The following STARD13 variants were observed in gnomAD, a reference collection of about 807,000 sequenced individuals.
The protein encoded by STARD13 is stAR-related lipid transfer protein 13.
A neutral mutation model predicts 106.4 loss-of-function variants in STARD13; 62 were observed. The ratio of observed to expected loss-of-function variants is 0.58; its 90% CI spans 0.48 to 0.72. STARD13 has a LOEUF of 0.72. STARD13 is among the 30% of genes least tolerant of loss of function. The pLI, the probability that STARD13 is intolerant of heterozygous loss-of-function variation, is 0.00. For synonymous variants in STARD13, 565 were observed against 553.0 expected, an observed-to-expected ratio of 1.02 and a Z score of -0.31; for missense variants, 1,387 against 1,424.0, an observed-to-expected ratio of 0.97 and a Z score of 0.42.
At chr13:33,423,681 C>T in the STARD13 span, among the ~76,000 whole-genome samples, 1 of 152,188 alleles carries the variant, frequency 6.6e-6, no homozygotes, top group Non-Finnish European at 1.5e-5. Context: ...ATAGCAAAGA[C>T]TTGGAACCAA....
At chr13:33,280,867 A>C (rs1891740760) in intron 1 of STARD13, 1 of 152,228 alleles carries the variant, frequency 6.6e-6, no homozygotes, top group African/African-American at 2.4e-5. Context: ...GAAGGGAAAA[A>C]GGTCTAGAGA....
chr13:33,124,879 G>T (rs1876923381), intron 7 of STARD13, among the ~76,000 whole-genome samples: 1 of 152,082 alleles, frequency 6.6e-6, no homozygotes, highest in Admixed American at 6.6e-5. Context: ...AGCTATTAAG[G>T]CCATTTCTCA....
the STARD13 span, among the ~76,000 whole-genome samples, chr13:33,544,377 T>A: frequency 9.8e-5 from 15 of 152,372 alleles, no homozygotes; most frequent in Admixed American, 9.1e-4. Flanking sequence ...AAATTCTGAC[T>A]GTGCCACTGC....
intron 1 of STARD13, among the ~76,000 whole-genome samples, chr13:33,270,638 T>C (rs1334449189): frequency 6.6e-6 from 1 of 152,160 alleles, no homozygotes; most frequent in Non-Finnish European, 1.5e-5. Flanking sequence ...AACCCAGGCC[T>C]CCCGTACCCA....
At chr13:33,493,481 G>A in the STARD13 span, among the ~76,000 whole-genome samples, 1 of 152,088 alleles carries the variant, frequency 6.6e-6, no homozygotes, top group Admixed American at 6.5e-5. Flanking sequence ...GTCAATCATA[G>A]CAAATGCAGA....
the STARD13 span, among the ~76,000 whole-genome samples, chr13:33,464,403 TATTTG>T: frequency 2.4e-3 from 371 of 152,286 alleles, 3 homozygotes; most frequent in East Asian, 0.01. Context: ...TCCAAAACCT[TATTTG>T]ATAAGAGATG....
At chr13:33,612,723 C>T in the STARD13 span, among the ~76,000 whole-genome samples, 2 of 152,172 alleles carry the variant, frequency 1.3e-5, no homozygotes, top group African/African-American at 4.8e-5. Context: ...GGGCCCCATG[C>T]AAATTTAGAA....
At chr13:33,350,529 G>A in exon 1 of STARD13, 1 of 1,442,334 alleles carries the variant, frequency 6.9e-7, no homozygotes, top group Non-Finnish European at 9.1e-7. Context: ...CGGGGTCCCG[G>A]GACCCAATGC....
At chr13:33,391,322 C>CCAA in the STARD13 span, among the ~76,000 whole-genome samples, 1 of 152,152 alleles carries the variant, frequency 6.6e-6, no homozygotes, top group Non-Finnish European at 1.5e-5. Flanking sequence ...TTAACATTCA[C>CCAA]TGCATTTACC....
chr13:33,415,324 C>A, the STARD13 span, among the ~76,000 whole-genome samples: 2 of 152,052 alleles, frequency 1.3e-5, no homozygotes, highest in Non-Finnish European at 2.9e-5. Flanking sequence ...GCTGAGATTG[C>A]GCCACTGCAC....
chr13:33,376,776 G>C, the STARD13 span, among the ~76,000 whole-genome samples: 1 of 152,198 alleles, frequency 6.6e-6, no homozygotes. Flanking sequence ...CCTAGGCTTA[G>C]GGGACAGAAT....
chr13:33,466,565 T>A, the STARD13 span, among the ~76,000 whole-genome samples: 1 of 152,220 alleles, frequency 6.6e-6, no homozygotes. Context: ...AATTAGAAAG[T>A]ATTTCAGACT....
chr13:33,374,639 T>C, the STARD13 span, among the ~76,000 whole-genome samples: 1 of 152,270 alleles, frequency 6.6e-6, no homozygotes, highest in African/African-American at 2.4e-5. Context: ...AAATTTTTCA[T>C]GGAGTATATA....
In STARD13 at chr13:33,111,535, G is replaced by A. The variant is rs965784040; in HGVS notation, c.2607+243C>T. Among the ~76,000 whole-genome samples the A allele has an allele frequency of 2.0e-5, 3 of 152,188 alleles. No individual in the cohort carries two copies. In the South Asian group the frequency reaches 6.2e-4, roughly 32 times the overall value. ...GCTGACTGGCCTTGAACCTGATAAT[G>A]GCAGGTGATGCACTGTTTGCATAAA... On this transcript the variant is annotated intron_variant, in intron 10 of 13. Coordinates refer to ENST00000336934, the MANE Select transcript of STARD13 (RefSeq NM_178006.4).
chr13:33,618,929 T>C, the STARD13 span, among the ~76,000 whole-genome samples: 1 of 151,804 alleles, frequency 6.6e-6, no homozygotes, highest in South Asian at 2.1e-4. Context: ...CATAAGAATC[T>C]GTGTGTGTGT....
chr13:33,368,551 C>G, the STARD13 span, among the ~76,000 whole-genome samples: 2 of 152,114 alleles, frequency 1.3e-5, no homozygotes, highest in African/African-American at 2.4e-5. Flanking sequence ...AGCAGCAGCA[C>G]CACCACCACC....
intron 3 of STARD13, among the ~76,000 whole-genome samples, chr13:33,152,792 C>A (rs973855659): frequency 1.3e-5 from 2 of 152,200 alleles, no homozygotes; most frequent in Admixed American, 1.3e-4. Flanking sequence ...CAAGCACAAG[C>A]CTTGAAATAA....
chr13:33,498,046 A>T, the STARD13 span, among the ~76,000 whole-genome samples: 1 of 152,218 alleles, frequency 6.6e-6, no homozygotes, highest in South Asian at 2.1e-4. Context: ...TGGCTAATAA[A>T]AAAGAGCTGT....
intron 1 of STARD13, among the ~76,000 whole-genome samples, chr13:33,333,478 T>G (rs1343442523): frequency 6.6e-6 from 1 of 152,202 alleles, no homozygotes; most frequent in Non-Finnish European, 1.5e-5. Context: ...ATTAGGTTCC[T>G]TTAGCTGTAA....
Sources: gnomAD v4.1 joint callset for allele counts (sites outside exome capture counted in the v4.1 genomes callset) on GRCh38, gnomAD v4.1.1 for gene constraint, MANE v1.5 for transcripts, NCBI Gene and HGNC (gene_info 2026-07-23, HGNC 2026-07-21) for gene names.